Variants in DPP9 observed in about 807,000 individuals in gnomAD.
DPP9 encodes the protein dipeptidyl peptidase 9, also known as dipeptidyl peptidase IV-related protein-2.
A neutral mutation model predicts 110.7 loss-of-function variants in DPP9; 50 were observed. That is an observed-to-expected ratio of 0.45 (90% CI 0.36 to 0.57). DPP9 has a LOEUF of 0.57. Ranked by LOEUF, DPP9 falls within the 20% of genes least tolerant of loss-of-function variation. The probability of loss-of-function intolerance (pLI) is 0.00; values close to 1 mark genes in which losing one functional copy is unlikely to be tolerated. For synonymous variants in DPP9, 561 were observed against 514.4 expected (o/e 1.09, Z -1.23); for missense variants, 1,022 against 1,217.9 (o/e 0.84, Z 2.39).
rs756569406 is a variant in DPP9 at position 4,704,005 on chromosome 19, C to T, written c.650G>A (p.Arg217Gln). Residue 217 changes from arginine to glutamine, a missense_variant, in exon 7 of 22, where the codon CGG becomes CAG. Arg to Gln is a conservative substitution (Grantham distance 43, BLOSUM62 1). This residue lies in a region of DPP9 where 810 missense variants were observed against 920.6 expected (regional missense o/e 0.88). Transcript: ENST00000262960. This position sits in a 1 kb window ranked among gnomAD's most constrained non-coding sequence, Gnocchi z 6.0. Reference sequence around the variant, plus strand: ...GGCAGGGCAGATTTTGGGGTCCATCCGGGGCCCTGAGCACTGGGTCTTGAT... The same window carrying T: ...GGCAGGGCAGATTTTGGGGTCCATCTGGGGCCCTGAGCACTGGGTCTTGAT... ...LEIKTQCSGP[R>Q]MDPKICPADP... The T allele has an allele frequency of 2.0e-5, 32 of 1,613,864 alleles. No homozygotes were observed. The highest frequency in any genetic ancestry group is 2.4e-5 in the Non-Finnish European group (28 of 1,179,886).
Position 4,693,337 on chromosome 19 carries a change from G to A in DPP9, c.1516+1324C>T, listed in dbSNP as rs117465167. Among the ~76,000 whole-genome samples the A allele has an allele frequency of 0.019, 2,829 of 152,226 alleles. 46 individuals are homozygous for A. The highest frequency in any genetic ancestry group is 0.028 in the Non-Finnish European group (1,878 of 67,978). On this transcript the variant is annotated intron_variant, in intron 13 of 21. Transcript: ENST00000262960. This position sits in a 1 kb window ranked among gnomAD's most constrained non-coding sequence, Gnocchi z 5.0. ...TCCCATCCCGAGGCTGACACTGTCA[G>A]TGTGCAAGGACACCTGCAATCCCAC...
chr19:4,707,442 C>T (rs1459649669), intron 4 of DPP9, among the ~76,000 whole-genome samples: 3 of 151,984 alleles, frequency 2.0e-5, no homozygotes, highest in African/African-American at 7.3e-5. Context: ...GGACAGGGCT[C>T]CTCCAAGCAT....
intron 5 of DPP9, among the ~76,000 whole-genome samples, chr19:4,705,139 C>T (rs540505021): frequency 3.3e-5 from 5 of 152,268 alleles, no homozygotes; most frequent in Non-Finnish European, 5.9e-5. Context: ...GGGAGTGTCA[C>T]GATCTCAGCC....
In DPP9 at chr19:4,687,987, G is replaced by A. The variant is rs2090947946; in HGVS notation, c.1885+770C>T. ...AATTTTTTGTATTTTTAGTAGAGAT[G>A]GTGTTTCACCGTGTTAGCCAGGATG... On this transcript the variant is annotated intron_variant, in intron 16 of 21. Coordinates refer to ENST00000262960, the MANE Select transcript of DPP9 (RefSeq NM_139159.5). The surrounding 1 kb of genome is among the most constrained non-coding windows in gnomAD (Gnocchi z 4.7). Among the ~76,000 whole-genome samples, 1 of 152,126 alleles carries A rather than the reference G, an allele frequency of 6.6e-6. No homozygotes were observed. Among genetic ancestry groups the A allele is most frequent in the African/African-American group, 2.4e-5 (1 of 41,418 alleles).
chr19:4,695,251 G>A lies in DPP9; in HGVS notation c.1353+127C>T. 9.2e-7 allele frequency: 1 copy of A among 1,084,290 alleles called. No individual in the cohort carries two copies. The highest frequency in any genetic ancestry group is 1.3e-6 in the Non-Finnish European group (1 of 777,754). The allele number at this position is 1,084,290 out of a possible 1,614,324, so 67.2% of individuals were successfully genotyped here. ...TGCCAGCCAGGGATGGCCAAGGCCT[G>A]AGCTCACTTCTCCACACAAGGGCAA... On this transcript the variant is annotated intron_variant, in intron 12 of 21. Transcript: ENST00000262960. This position sits in a 1 kb window ranked among gnomAD's most constrained non-coding sequence, Gnocchi z 4.7.
chr19:4,678,564 C>T (rs1220607958), intron 21 of DPP9, among the ~76,000 whole-genome samples: 1 of 152,134 alleles, frequency 6.6e-6, no homozygotes, highest in African/African-American at 2.4e-5. Context: ...GGGTCTCAGG[C>T]TGGGAAGAGA....
chr19:4,692,474 T>C (rs1219062924), intron 13 of DPP9, among the ~76,000 whole-genome samples: 2 of 152,114 alleles, frequency 1.3e-5, no homozygotes, highest in Admixed American at 1.3e-4. Context: ...CCCAGGCTCC[T>C]GCCCGCGTCC....
At position 4,682,262 on chromosome 19, in the gene DPP9, C is replaced by T. The variant is rs1041666800; in HGVS notation, c.2474+434G>A. Among the ~76,000 whole-genome samples the T allele has an allele frequency of 1.3e-5, 2 of 152,132 alleles. No individual in the cohort carries two copies. The highest frequency in any genetic ancestry group is 4.8e-5 in the African/African-American group (2 of 41,430). ...TTTTCTCTCCATCAGAGAATAAGACCCATGTCAAAAGCATAAAATGGGACA... is the reference window on the plus strand; with the variant it reads ...TTTTCTCTCCATCAGAGAATAAGACTCATGTCAAAAGCATAAAATGGGACA... On this transcript the variant is annotated intron_variant, in intron 20 of 21. Coordinates refer to ENST00000262960, the MANE Select transcript of DPP9 (RefSeq NM_139159.5). This position sits in a 1 kb window ranked among gnomAD's most constrained non-coding sequence, Gnocchi z 7.1.
intron 9 of DPP9, 134 bp downstream of exon 9, chr19:4,701,893 T>A (rs1384259962): frequency 8.5e-6 from 11 of 1,293,808 alleles, no homozygotes; most frequent in Non-Finnish European, 1.2e-5. Context: ...GCAGAAGCCT[T>A]CCTTCTACAC....
chr19:4,688,538 G>T, intron 16 of DPP9: 1 of 534,886 alleles, frequency 1.9e-6, no homozygotes, highest in Non-Finnish European at 3.0e-6. Context: ...TGTGCAGTCC[G>T]GCCCTTTACT....
chr19:4,685,305 T>A lies in DPP9; in HGVS notation c.2031+321A>T, dbSNP rs368693594. On this transcript the variant is annotated intron_variant, in intron 17 of 21. Transcript: ENST00000262960. The surrounding 1 kb of genome is among the most constrained non-coding windows in gnomAD (Gnocchi z 5.8). ...CTGCTTTTGACCCCTGCTCCAGGAA[T>A]TGGGCCCAGGGCCCATGGCCACCTC... The A allele has an allele frequency of 7.2e-4, 407 of 563,800 alleles. 4 individuals are homozygous for A. In the East Asian group the frequency reaches 0.017, roughly 23 times the overall value. 34.9% of individuals were successfully genotyped at this position (563,800 alleles called of 1,614,324 possible). A position where few individuals can be genotyped will look rare whatever the true frequency, so the allele number is the denominator to read the frequency against.
At chr19:4,713,340 C>T (rs183275738) in intron 4 of DPP9, among the ~76,000 whole-genome samples, 1 of 152,358 alleles carries the variant, frequency 6.6e-6, no homozygotes, top group Admixed American at 6.5e-5. Flanking sequence ...CCGCTGCCCA[C>T]CTCACGGGAG....
chr19:4,710,188 C>T lies in DPP9; in HGVS notation c.313+3893G>A, dbSNP rs2092765639. 6.6e-6 allele frequency among the ~76,000 whole-genome samples: 1 copy of T among 152,242 alleles called. No homozygotes were observed. The highest frequency in any genetic ancestry group is 1.5e-5 in the Non-Finnish European group (1 of 68,038). On this transcript the variant is annotated intron_variant, in intron 4 of 21. Transcript: ENST00000262960. This position sits in a 1 kb window ranked among gnomAD's most constrained non-coding sequence, Gnocchi z 5.6. ...CGGTGACCCAGGCCTGCGCAAACAC[C>T]ATTTCCCGTCACTGCACGCTGTGGC...
At chr19:4,708,722 T>C (rs2092699652) in intron 4 of DPP9, among the ~76,000 whole-genome samples, 1 of 151,996 alleles carries the variant, frequency 6.6e-6, no homozygotes. Context: ...ACTTTATAAG[T>C]GGGAGTTAAA....
chr19:4,676,699 C>T lies in DPP9; in HGVS notation c.2587-43G>A. 2 of 1,496,868 alleles carry T rather than the reference C, an allele frequency of 1.3e-6. No individual in the cohort carries two copies. The highest frequency in any genetic ancestry group is 9.1e-7 in the Non-Finnish European group (1 of 1,094,670). 92.7% of individuals were successfully genotyped at this position (1,496,868 alleles called of 1,614,324 possible). A position where few individuals can be genotyped will look rare whatever the true frequency, so the allele number is the denominator to read the frequency against. ...GCAGGGCTGGGGGGCGTGGCCGGAC[C>T]ACCCCCGTGTCCTAGGCTCCTCCCT... On this transcript the variant is annotated intron_variant, in intron 21 of 21. Coordinates refer to ENST00000262960, the MANE Select transcript of DPP9 (RefSeq NM_139159.5). The surrounding 1 kb of genome is among the most constrained non-coding windows in gnomAD (Gnocchi z 4.0).
intron 11 of DPP9, 80 bp downstream of exon 11, chr19:4,697,471 G>T: frequency 8.1e-7 from 1 of 1,227,304 alleles, no homozygotes; most frequent in Non-Finnish European, 1.2e-6. Flanking sequence ...GGCACGGAAG[G>T]CCAGGAGGCA....
intron 18 of DPP9, 38 bp from the exon 19 acceptor site, chr19:4,683,667 C>A (rs2090247570): frequency 2.5e-6 from 4 of 1,613,046 alleles, no homozygotes; most frequent in Non-Finnish European, 3.4e-6. Context: ...GTGGCCTCCT[C>A]CCGGTATGTC....
chr19:4,694,858 G>A lies in DPP9; in HGVS notation c.1354-35C>T, dbSNP rs369293511. 10 of 1,608,412 alleles carry A rather than the reference G, an allele frequency of 6.2e-6. No individual in the cohort carries two copies. Among genetic ancestry groups the A allele is most frequent in the East Asian group, 2.2e-5 (1 of 44,784 alleles). The stretch of plus-strand genomic sequence containing the variant: ...AAGCAGATAGAAGATGCGTCAGAAG[G>A]TGTGGGTGGCCGGGCATGGTGGCTC... On this transcript the variant is annotated intron_variant, in intron 12 of 21. Transcript: ENST00000262960. The surrounding 1 kb of genome is among the most constrained non-coding windows in gnomAD (Gnocchi z 4.0).
intron 16 of DPP9, among the ~76,000 whole-genome samples, chr19:4,688,132 AG>A (rs1206284987): frequency 6.8e-6 from 1 of 148,054 alleles, no homozygotes; most frequent in Admixed American, 6.7e-5. Flanking sequence ...TTTTAGAGTC[AG>A]GGTCTTGCTC....
Sources: gnomAD v4.1 joint callset for allele counts (sites outside exome capture counted in the v4.1 genomes callset) on GRCh38, gnomAD v4.1.1 for gene constraint, gnomAD v4.1.1 regional missense constraint, Gnocchi (gnomAD v3.1) non-coding constraint, MANE v1.5 for transcripts, NCBI Gene and HGNC (gene_info 2026-07-23, HGNC 2026-07-21) for gene names.